Variants in CCDC171 observed in about 807,000 individuals in gnomAD.
CCDC171 encodes the protein coiled-coil domain-containing protein 171.
Under a neutral mutation model 168.2 loss-of-function variants are expected in CCDC171, and 177 were observed. The ratio of observed to expected loss-of-function variants is 1.05; its 90% CI spans 0.93 to 1.19. CCDC171 has a LOEUF of 1.19. Among genes scored for constraint, CCDC171 ranks in the 50% most tolerant of loss-of-function variants. CCDC171 has a pLI of 0.00. For synonymous variants in CCDC171, 687 were observed against 540.8 expected (o/e 1.27, Z -3.75); for missense variants, 1,991 against 1,539.0 (o/e 1.29, Z -4.91).
intron 18 of CCDC171, among the ~76,000 whole-genome samples, chr9:15,754,455 A>G (rs2055967532): frequency 6.6e-6 from 1 of 152,130 alleles, no homozygotes; most frequent in South Asian, 2.1e-4. Flanking sequence ...GTGGGTGGTA[A>G]AAAAATAGTT....
At chr9:15,920,772 A>C (rs1373821614) in intron 25 of CCDC171, among the ~76,000 whole-genome samples, 1 of 151,700 alleles carries the variant, frequency 6.6e-6, no homozygotes, top group Non-Finnish European at 1.5e-5. Flanking sequence ...GAATATTATT[A>C]ATTATGCGTA....
At chr9:15,642,315 G>GTA (rs150606956) in intron 7 of CCDC171, among the ~76,000 whole-genome samples, 3,655 of 121,176 alleles carry the variant, frequency 0.03, 229 homozygotes, top group African/African-American at 0.11. Flanking sequence ...ATGTATACAC[G>GTA]TATATATATA....
chr9:15,988,813 A>T (rs1306543936), intron 3 of CCDC171, among the ~76,000 whole-genome samples: 2 of 152,170 alleles, frequency 1.3e-5, no homozygotes, highest in Non-Finnish European at 2.9e-5. Context: ...TCCCAAGCCC[A>T]TGGAGCCTCA....
the CCDC171 span, among the ~76,000 whole-genome samples, chr9:16,087,723 T>C: frequency 2.6e-5 from 4 of 152,104 alleles, no homozygotes; most frequent in African/African-American, 4.8e-5. Context: ...TGTCTTCTAA[T>C]TGGGGCATTT....
chr9:16,103,068 G>A, the CCDC171 span, among the ~76,000 whole-genome samples: 3 of 152,202 alleles, frequency 2.0e-5, no homozygotes, highest in African/African-American at 7.2e-5. Flanking sequence ...CTCCTGAGGG[G>A]ACCTGCAGGC....
rs143574953 is a variant in CCDC171 at position 15,930,231 on chromosome 9, C to T, written c.3753+9809C>T. 8.5e-4 allele frequency among the ~76,000 whole-genome samples: 129 copies of T among 151,660 alleles called. 1 individual carries two copies. The highest frequency in any genetic ancestry group is 2.8e-3 in the African/African-American group (118 of 41,480). ...ACTTTGCATAAACCATGATTCCCTCCGAATTTTTCCCACACCAAATTTTCT... is the reference window on the plus strand; with the variant it reads ...ACTTTGCATAAACCATGATTCCCTCTGAATTTTTCCCACACCAAATTTTCT... On this transcript the variant is annotated intron_variant, in intron 25 of 25. Coordinates refer to ENST00000380701, the MANE Select transcript of CCDC171 (RefSeq NM_173550.4).
intron 10 of CCDC171, among the ~76,000 whole-genome samples, chr9:15,688,451 G>A (rs968387598): frequency 6.6e-6 from 1 of 152,120 alleles, no homozygotes; most frequent in Non-Finnish European, 1.5e-5. Flanking sequence ...CCTTTTGAAT[G>A]TAGATGCTAA....
intron 14 of CCDC171, among the ~76,000 whole-genome samples, chr9:15,726,472 T>G (rs1227275623): frequency 6.6e-6 from 1 of 152,174 alleles, no homozygotes; most frequent in East Asian, 1.9e-4. Context: ...TAAGTTATAT[T>G]TAATAAGACT....
chr9:16,064,026 C>A (rs1310433080), downstream of CCDC171, among the ~76,000 whole-genome samples: 2 of 152,176 alleles, frequency 1.3e-5, no homozygotes, highest in Non-Finnish European at 2.9e-5. Flanking sequence ...ATCCTTTTTC[C>A]ACAGTGAAAA....
intron 16 of CCDC171, among the ~76,000 whole-genome samples, chr9:15,743,361 G>A (rs966395192): frequency 6.6e-6 from 1 of 150,984 alleles, no homozygotes; most frequent in East Asian, 1.9e-4. Flanking sequence ...TTGTGGAGAT[G>A]GGGTCTTGCT....
At chr9:15,867,605 T>C (rs1248282035) in intron 23 of CCDC171, among the ~76,000 whole-genome samples, 1 of 152,036 alleles carries the variant, frequency 6.6e-6, no homozygotes, top group Non-Finnish European at 1.5e-5. Flanking sequence ...TTCATATTGT[T>C]CGGTGTCATT....
intron 25 of CCDC171, among the ~76,000 whole-genome samples, chr9:15,949,686 C>T (rs556183266): frequency 2.6e-5 from 4 of 152,274 alleles, no homozygotes; most frequent in East Asian, 3.9e-4. Flanking sequence ...AGTCGCTTAT[C>T]AGCTTAAGGA....
chr9:16,100,121 C>A, the CCDC171 span, among the ~76,000 whole-genome samples: 5 of 152,162 alleles, frequency 3.3e-5, no homozygotes, highest in African/African-American at 1.2e-4. Flanking sequence ...TGTCTGAACT[C>A]ACCAAACAGT....
intron 8 of CCDC171, among the ~76,000 whole-genome samples, chr9:15,660,114 G>T (rs558025009): frequency 4.6e-5 from 7 of 152,202 alleles, no homozygotes; most frequent in African/African-American, 9.6e-5. Flanking sequence ...TATTTGTAAA[G>T]ATTTGGTATT....
At chr9:15,830,352 A>G (rs1471156236) in intron 21 of CCDC171, among the ~76,000 whole-genome samples, 5 of 152,206 alleles carry the variant, frequency 3.3e-5, no homozygotes. Flanking sequence ...CCTCTGTAGT[A>G]TTATAATTCA....
chr9:16,047,651 T>C (rs1322298021), intron 1 of CCDC171, among the ~76,000 whole-genome samples: 1 of 152,238 alleles, frequency 6.6e-6, no homozygotes, highest in Non-Finnish European at 1.5e-5. Flanking sequence ...CACAAAGTCC[T>C]TTGTTACCTG....
Position 15,666,193 on chromosome 9 carries a change from C to A in CCDC171, c.946C>A (p.Gln316Lys), listed in dbSNP as rs2133158067. 6.2e-7 allele frequency: 1 copy of A among 1,613,630 alleles called. No homozygotes were observed. Among genetic ancestry groups the A allele is most frequent in the Admixed American group, 1.7e-5 (1 of 59,960 alleles). ...LRIRDLEGAL[Q>K]VEKASQAEAV... ...GATTCGAGACCTTGAAGGAGCTTTG[C>A]AAGTAGAGAAGGCCAGTCAAGCAGA... is the stretch of plus-strand genomic sequence containing the variant. Residue 316 changes from glutamine to lysine, a missense_variant, in exon 9 of 26, where the codon CAA (glutamine) becomes AAA (lysine). Gln to Lys is a moderately conservative substitution (Grantham distance 53). Transcript: ENST00000380701.
chr9:15,865,284 A>G (rs2061727537), intron 23 of CCDC171, among the ~76,000 whole-genome samples: 3 of 152,084 alleles, frequency 2.0e-5, no homozygotes, highest in Admixed American at 1.3e-4. Flanking sequence ...TTTAGTATGT[A>G]TAATGTTCCA....
At chr9:15,894,558 G>A (rs1166797870) in intron 24 of CCDC171, among the ~76,000 whole-genome samples, 1 of 151,884 alleles carries the variant, frequency 6.6e-6, no homozygotes, top group Non-Finnish European at 1.5e-5. Context: ...TCATGATCTG[G>A]GCCCTGCTGC....
Sources: allele counts gnomAD v4.1 joint callset (sites outside exome capture counted in the v4.1 genomes callset), GRCh38; gene constraint gnomAD v4.1.1; transcripts MANE v1.5; gene names NCBI Gene and HGNC (gene_info 2026-07-23, HGNC 2026-07-21).